PTPN12: variants seen among roughly 807,000 people sequenced by gnomAD.
The protein encoded by PTPN12 is tyrosine-protein phosphatase non-receptor type 12.
A neutral mutation model predicts 97.6 loss-of-function variants in PTPN12; 29 were observed. That is an observed-to-expected ratio of 0.30 (90% confidence interval 0.22 to 0.41). PTPN12 has a LOEUF of 0.41. Ranked by LOEUF, PTPN12 falls within the 10% of genes least tolerant of loss-of-function variation. The pLI, the probability that PTPN12 is intolerant of heterozygous loss-of-function variation, is 1.00. For missense variants in PTPN12, 819 were observed against 926.0 expected (o/e 0.88, Z 1.50); for synonymous variants, 327 against 300.4 (o/e 1.09, Z -0.91).
intron 11 of PTPN12, among the ~76,000 whole-genome samples, chr7:77,616,379 CA>C (rs1221904479): frequency 6.6e-5 from 10 of 151,946 alleles, no homozygotes; most frequent in Non-Finnish European, 1.5e-4. Flanking sequence ...GGGATTTTAC[CA>C]GACTACATTT....
chr7:77,613,312 T>C (rs1788637734), intron 11 of PTPN12, among the ~76,000 whole-genome samples: 1 of 150,546 alleles, frequency 6.6e-6, no homozygotes, highest in Non-Finnish European at 1.5e-5. Flanking sequence ...GTAGCTGAGA[T>C]TACAGGCGCC....
chr7:77,613,885 G>A (rs1319709001), intron 11 of PTPN12, among the ~76,000 whole-genome samples: 2 of 151,762 alleles, frequency 1.3e-5, no homozygotes, highest in Admixed American at 1.3e-4. Flanking sequence ...AATATTCAGT[G>A]TTTGGGTTTT....
chr7:77,609,461 G>A (rs559618102), intron 9 of PTPN12, among the ~76,000 whole-genome samples: 3 of 151,502 alleles, frequency 2.0e-5, no homozygotes, highest in Non-Finnish European at 4.4e-5. Flanking sequence ...TAGTAGAGAT[G>A]GGGTTTCACC....
chr7:77,617,084 AG>A (rs1440329633), intron 11 of PTPN12, among the ~76,000 whole-genome samples: 1 of 152,028 alleles, frequency 6.6e-6, no homozygotes, highest in Non-Finnish European at 1.5e-5. Context: ...CGCCCAGCCT[AG>A]GGGGTACCTT....
chr7:77,598,036 T>C, intron 7 of PTPN12, 135 bp downstream of exon 7: 1 of 1,181,200 alleles, frequency 8.5e-7, no homozygotes, highest in Non-Finnish European at 1.1e-6. Flanking sequence ...AAGACTAGCC[T>C]GGGCAACATA....
intron 1 of PTPN12, among the ~76,000 whole-genome samples, chr7:77,561,261 C>A (rs559090772): frequency 6.6e-6 from 1 of 151,990 alleles, no homozygotes; most frequent in Non-Finnish European, 1.5e-5. Context: ...CACAATGGTT[C>A]GAGTGGATTG....
chr7:77,572,668 G>C (rs1787184546), intron 2 of PTPN12, among the ~76,000 whole-genome samples: 1 of 152,152 alleles, frequency 6.6e-6, no homozygotes, highest in Admixed American at 6.5e-5. Flanking sequence ...GACTCCACCA[G>C]TTGCTAGCTA....
chr7:77,550,348 A>G (rs1365377300), intron 1 of PTPN12, among the ~76,000 whole-genome samples: 1 of 152,190 alleles, frequency 6.6e-6, no homozygotes, highest in African/African-American at 2.4e-5. Flanking sequence ...GCTCATGGAA[A>G]AATGGAATTA....
At chr7:77,601,116 A>G (rs1788175277) in intron 8 of PTPN12, among the ~76,000 whole-genome samples, 1 of 152,178 alleles carries the variant, frequency 6.6e-6, no homozygotes, top group Non-Finnish European at 1.5e-5. Context: ...CTACTTTCTA[A>G]AGTCAGTATG....
intron 11 of PTPN12, among the ~76,000 whole-genome samples, chr7:77,616,657 G>T (rs55860308): frequency 0.24 from 36,387 of 152,056 alleles, 4,577 homozygotes; most frequent in Non-Finnish European, 0.28. Flanking sequence ...AGTTTCATAT[G>T]GTTTGCCTTT....
chr7:77,555,910 G>A (rs1313289854), intron 1 of PTPN12, among the ~76,000 whole-genome samples: 4 of 151,074 alleles, frequency 2.6e-5, no homozygotes, highest in African/African-American at 9.7e-5. Context: ...GCGAGACTCC[G>A]TCTCAAAAAA....
chr7:77,579,341 T>A (rs1787439840), intron 2 of PTPN12, among the ~76,000 whole-genome samples: 1 of 152,142 alleles, frequency 6.6e-6, no homozygotes, highest in South Asian at 2.1e-4. Flanking sequence ...GCCAGGCTGG[T>A]CTCAAACTCT....
chr7:77,538,552 C>G (rs768733544), intron 1 of PTPN12, among the ~76,000 whole-genome samples: 68 of 151,854 alleles, frequency 4.5e-4, no homozygotes, highest in Non-Finnish European at 8.7e-4. Context: ...CCTCCGCCAC[C>G]CCCTACTTTC....
At chr7:77,592,833 A>T (rs1468155157) in intron 6 of PTPN12, among the ~76,000 whole-genome samples, 2 of 151,580 alleles carry the variant, frequency 1.3e-5, no homozygotes, top group South Asian at 2.1e-4. Context: ...GAAAATGAAT[A>T]AAAAAATGAA....
intron 12 of PTPN12, among the ~76,000 whole-genome samples, chr7:77,625,583 TTTTTTGGAGACAGTC>T: frequency 8.1e-6 from 1 of 123,688 alleles, no homozygotes; most frequent in African/African-American, 3.2e-5. Flanking sequence ...TTTTTTTTTT[TTTTTTGGAGACAGTC>T]TTGCTCTGTC....
At chr7:77,544,716 T>C (rs902342356) in intron 1 of PTPN12, among the ~76,000 whole-genome samples, 4 of 152,258 alleles carry the variant, frequency 2.6e-5, no homozygotes, top group African/African-American at 9.6e-5. Flanking sequence ...TTCCCCAGAC[T>C]GAACGCCTCC....
Position 77,625,474 on chromosome 7 carries a change from T to TCGCTCGCGCG in PTPN12, c.1026-1230_1026-1229insGCTCGCGCGC, listed in dbSNP as rs761174867. Among the ~76,000 whole-genome samples the TCGCTCGCGCG allele has an allele frequency of 1.0e-4, 3 of 29,166 alleles. 1 individual carries two copies. The allele number at this position is 29,166 out of a possible 152,430, so 19.1% of individuals were successfully genotyped here. A position where few individuals can be genotyped will look rare whatever the true frequency, so the allele number is the denominator to read the frequency against. The stretch of plus-strand genomic sequence containing the variant: ...TTGCCATATTGCCCAGGCTGCTCGC[T>TCGCTCGCGCG]CTCTCTCTCTCTCTCTCTCTCTCTC... On this transcript the variant is annotated intron_variant, in intron 12 of 17. Coordinates refer to ENST00000248594, the MANE Select transcript of PTPN12 (RefSeq NM_002835.4).
chr7:77,625,536 ACTCGCG>A (rs1789137606), intron 12 of PTPN12, among the ~76,000 whole-genome samples: 2 of 17,558 alleles, frequency 1.1e-4, no homozygotes, highest in Non-Finnish European at 2.1e-4. Context: ...TCTCACTCTC[ACTCGCG>A]CTCTCTCTCT....
rs775299894 is a variant in PTPN12 at position 77,537,532 on chromosome 7, G to A, written c.-15G>A. Reference sequence around the variant, plus strand: ...GCGGGGGGGCCAGCGACCGCAGCCGGGGGGACGCGGGAGGATGGAGCAAGT... The same window carrying A: ...GCGGGGGGGCCAGCGACCGCAGCCGAGGGGACGCGGGAGGATGGAGCAAGT... On this transcript the variant is annotated 5_prime_UTR_variant, in exon 1 of 18. Coordinates refer to ENST00000248594, the MANE Select transcript of PTPN12 (RefSeq NM_002835.4). The A allele has an allele frequency of 5.7e-6, 9 of 1,584,610 alleles. No homozygotes were observed. The South Asian group carries it at 9.1e-5, about 16-fold the overall frequency.
Sources: allele counts gnomAD v4.1 joint callset (sites outside exome capture counted in the v4.1 genomes callset), GRCh38; gene constraint gnomAD v4.1.1; transcripts MANE v1.5; gene names NCBI Gene and HGNC (gene_info 2026-07-23, HGNC 2026-07-21).